The following ZNF804B variants were observed in gnomAD, a reference collection of about 807,000 sequenced individuals.
The protein encoded by ZNF804B is zinc finger 804B.
In ZNF804B, 80 loss-of-function variants were observed where a neutral mutation model predicts 101.4. That is an observed-to-expected ratio of 0.79 (90% confidence interval 0.66 to 0.95). The LOEUF is 0.95. Among genes scored for constraint, ZNF804B ranks in the 40% least tolerant of loss-of-function variants. The pLI is 0.00. For synonymous variants in ZNF804B, 622 were observed against 558.8 expected (o/e 1.11, Z -1.59); for missense variants, 1,673 against 1,561.9 (o/e 1.07, Z -1.20).
chr7:88,789,868 A>C (rs942082203), intron 1 of ZNF804B, among the ~76,000 whole-genome samples: 1 of 152,122 alleles, frequency 6.6e-6, no homozygotes, highest in Non-Finnish European at 1.5e-5. Flanking sequence ...TATTTGTATT[A>C]AGCAATAATG....
chr7:88,960,922 C>A (rs555755920), intron 1 of ZNF804B, among the ~76,000 whole-genome samples: 35 of 151,374 alleles, frequency 2.3e-4, no homozygotes, highest in African/African-American at 8.5e-4. Flanking sequence ...AAGTTTGATA[C>A]TTTTTCCTTC....
intron 1 of ZNF804B, among the ~76,000 whole-genome samples, chr7:89,084,772 C>A (rs1422689764): frequency 1.3e-5 from 2 of 152,032 alleles, no homozygotes; most frequent in East Asian, 1.9e-4. Context: ...AAACCATCTT[C>A]TTTAAAACAA....
At chr7:89,203,125 A>G (rs1788670289) in intron 1 of ZNF804B, among the ~76,000 whole-genome samples, 1 of 152,234 alleles carries the variant, frequency 6.6e-6, no homozygotes, top group Non-Finnish European at 1.5e-5. Context: ...GTAAGTATGG[A>G]TTCTCCAAGA....
chr7:88,959,539 C>A (rs926976615), intron 1 of ZNF804B, among the ~76,000 whole-genome samples: 4 of 151,240 alleles, frequency 2.6e-5, no homozygotes, highest in Non-Finnish European at 1.5e-5. Flanking sequence ...ATTCTACTTT[C>A]TTGAGAATAT....
At chr7:89,139,055 T>C (rs2189068) in intron 1 of ZNF804B, among the ~76,000 whole-genome samples, 3 of 151,886 alleles carry the variant, frequency 2.0e-5, no homozygotes, top group Admixed American at 1.3e-4. Context: ...CTCAGAGATA[T>C]TGCAGGTTTT....
chr7:89,274,281 G>A (rs1327260404), intron 2 of ZNF804B, among the ~76,000 whole-genome samples: 1 of 141,942 alleles, frequency 7.0e-6, no homozygotes, highest in African/African-American at 2.7e-5. Flanking sequence ...TCTAGCATTA[G>A]GTATATCTCC....
At chr7:89,004,055 C>CAAAAAAAAAAAAAAAA in intron 1 of ZNF804B, among the ~76,000 whole-genome samples, 1 of 112,164 alleles carries the variant, frequency 8.9e-6, no homozygotes, top group Non-Finnish European at 1.9e-5. Context: ...CCTGAATGAG[C>CAAAAAAAAAAAAAAAA]AAAAAAAAAA....
At chr7:88,914,277 A>G (rs1792598021) in intron 1 of ZNF804B, among the ~76,000 whole-genome samples, 2 of 152,206 alleles carry the variant, frequency 1.3e-5, no homozygotes, top group African/African-American at 4.8e-5. Flanking sequence ...AAAATGGCTT[A>G]CAGAGAGGAT....
At chr7:89,204,118 T>C (rs1489229533) in intron 1 of ZNF804B, among the ~76,000 whole-genome samples, 1 of 152,226 alleles carries the variant, frequency 6.6e-6, no homozygotes, top group Non-Finnish European at 1.5e-5. Flanking sequence ...CAGGTATCAC[T>C]AGCAACTTTC....
chr7:88,814,447 AACACACACACACACACAC>A lies in ZNF804B; in HGVS notation c.108+54391_108+54408del, dbSNP rs66471769. ...AATCACTGTCTCTTACCTCCCTTCA[AACACACACACACACACAC>A]ACACACACACACACACACACACACA... On this transcript the variant is annotated intron_variant, in intron 1 of 3. Coordinates refer to ENST00000333190, the MANE Select transcript of ZNF804B (RefSeq NM_181646.5). Among the ~76,000 whole-genome samples the A allele has an allele frequency of 4.9e-3, 687 of 141,354 alleles. 7 individuals are homozygous for A. The highest frequency in any genetic ancestry group is 0.019 in the East Asian group (96 of 5,022). 92.7% of individuals were successfully genotyped at this position (141,354 alleles called of 152,430 possible). A position where few individuals can be genotyped will look rare whatever the true frequency, so the allele number is the denominator to read the frequency against.
rs189299649 is a variant in ZNF804B at position 89,190,016 on chromosome 7, G to A, written c.109-28139G>A. On this transcript the variant is annotated intron_variant, in intron 1 of 3. Transcript: ENST00000333190. ...AGAATATTCATGTTTCATAGAAAGA[G>A]GTTGAAATATCAATATTAACAGAAG... Among the ~76,000 whole-genome samples the A allele has an allele frequency of 2.4e-4, 37 of 152,162 alleles. No individual in the cohort carries two copies. In the East Asian group the frequency reaches 7.0e-3, roughly 29 times the overall value.
chr7:88,998,286 G>A (rs1316822929), intron 1 of ZNF804B, among the ~76,000 whole-genome samples: 4 of 152,064 alleles, frequency 2.6e-5, no homozygotes, highest in Non-Finnish European at 5.9e-5. Context: ...TTTAAGGGAA[G>A]ATATCTTAAA....
At chr7:88,813,965 C>G (rs1790834006) in intron 1 of ZNF804B, among the ~76,000 whole-genome samples, 1 of 152,040 alleles carries the variant, frequency 6.6e-6, no homozygotes, top group Non-Finnish European at 1.5e-5. Flanking sequence ...CATGCATAGC[C>G]AATGCACCAT....
rs974450121 is a variant in ZNF804B at position 89,337,868 on chromosome 7, A to C, written c.*836A>C. 6.6e-6 allele frequency among the ~76,000 whole-genome samples: 1 copy of C among 152,096 alleles called. No homozygotes were observed. The highest frequency in any genetic ancestry group is 1.9e-4 in the East Asian group (1 of 5,196). On this transcript the variant is annotated 3_prime_UTR_variant, in exon 4 of 4. Transcript: ENST00000333190. ...AACAGGAACTAAAATATTGTTTATT[A>C]TTCTTCTACTCAAAAATTTTACTAC...
Position 89,040,802 on chromosome 7 carries a change from C to T in ZNF804B, c.109-177353C>T, listed in dbSNP as rs753307599. 6.4e-4 allele frequency among the ~76,000 whole-genome samples: 98 copies of T among 152,258 alleles called. 3 individuals carry two copies. Among genetic ancestry groups the T allele is most frequent in the Non-Finnish European group, 2.5e-4 (17 of 68,014 alleles). ...CATCAGTCAGCCTTTCCAGTTATTA[C>T]GTGCAGTTTATCTGATGGGGTCTGT... On this transcript the variant is annotated intron_variant, in intron 1 of 3. Transcript: ENST00000333190.
rs776349841 is a variant in ZNF804B, at chr7:89,336,274, C to T, written c.3292C>T (p.Leu1098=). The T allele has an allele frequency of 3.7e-6, 6 of 1,613,780 alleles. No homozygotes were observed. The East Asian group carries it at 1.3e-4, about 36-fold the overall frequency. The change falls in exon 4 of 4, where the codon CTA becomes TTA. Residue 1098 remains leucine, a synonymous_variant. Coordinates refer to ENST00000333190, the MANE Select transcript of ZNF804B (RefSeq NM_181646.5). ...AGAGACCCAAGAAGACCAAATAAAT[C>T]TAGACTTACAGGATGTAAGCATGCA... ...STETQEDQIN[L]DLQDVSMHIN... is the part of the protein sequence containing the mutation.
At chr7:89,314,386 A>G (rs1211416654) in intron 2 of ZNF804B, among the ~76,000 whole-genome samples, 1 of 152,104 alleles carries the variant, frequency 6.6e-6, no homozygotes, top group African/African-American at 2.4e-5. Flanking sequence ...AACTACACCT[A>G]CCAGTCATAC....
chr7:88,826,234 T>A (rs945941943), intron 1 of ZNF804B, among the ~76,000 whole-genome samples: 1 of 152,204 alleles, frequency 6.6e-6, no homozygotes, highest in Non-Finnish European at 1.5e-5. Flanking sequence ...TGTTATGTAT[T>A]TGATTAGAGA....
intron 2 of ZNF804B, among the ~76,000 whole-genome samples, chr7:89,228,906 C>T (rs1424421450): frequency 2.0e-5 from 3 of 152,198 alleles, no homozygotes; most frequent in East Asian, 1.9e-4. Context: ...AGGTCCGGAG[C>T]CCTGCCCCGC....
Sources: allele counts gnomAD v4.1 joint callset (sites outside exome capture counted in the v4.1 genomes callset), GRCh38; gene constraint gnomAD v4.1.1; transcripts MANE v1.5; gene names NCBI Gene and HGNC (gene_info 2026-07-23, HGNC 2026-07-21).